ROBO2: variants seen among roughly 807,000 people sequenced by gnomAD.
ROBO2 encodes the protein roundabout homolog 2.
A neutral mutation model predicts 160.8 loss-of-function variants in ROBO2; 53 were observed. The observed-to-expected ratio is 0.33, with a 90% confidence interval of 0.26 to 0.41. The LOEUF is 0.41. ROBO2 is among the 10% of genes least tolerant of loss of function. The pLI is 1.00. For missense variants in ROBO2, 1,577 were observed against 1,722.4 expected, an observed-to-expected ratio of 0.92 and a Z score of 1.49; for synonymous variants, 664 against 611.7, an observed-to-expected ratio of 1.09 and a Z score of -1.26.
chr3:76,055,796 G>C lies in ROBO2; in HGVS notation c.109+118194G>C, dbSNP rs2067823350. On this transcript the variant is annotated intron_variant, in intron 2 of 26. Transcript: ENST00000487694. ...ATTTTTTGAGACGGAGTCTCGCTCT[G>C]TCGGCAGGCTGGAGTGCAGTGGCGC... Among the ~76,000 whole-genome samples, 3 of 152,086 alleles carry C rather than the reference G, an allele frequency of 2.0e-5. No homozygotes were observed. The South Asian group carries it at 6.2e-4, about 32-fold the overall frequency.
chr3:77,565,276 A>T (rs1255182701), intron 12 of ROBO2, among the ~76,000 whole-genome samples, 156 bp downstream of exon 13: 3 of 152,068 alleles, frequency 2.0e-5, no homozygotes, highest in East Asian at 1.9e-4. Flanking sequence ...CTTGCTGTTT[A>T]TCTTGGTGAG....
chr3:76,272,731 AATAT>A (rs371717349), intron 2 of ROBO2, among the ~76,000 whole-genome samples: 2,659 of 47,830 alleles, frequency 0.056, 273 homozygotes, highest in Middle Eastern at 0.14. Context: ...TACACATATA[AATAT>A]ATATATTCTC....
chr3:77,282,682 T>G (rs1165551859), intron 2 of ROBO2, among the ~76,000 whole-genome samples: 1 of 152,122 alleles, frequency 6.6e-6, no homozygotes, highest in East Asian at 1.9e-4. Context: ...TAGCAAAACA[T>G]TATATCTGCA....
At chr3:76,480,679 G>A (rs1014182758) in intron 2 of ROBO2, among the ~76,000 whole-genome samples, 32 of 152,080 alleles carry the variant, frequency 2.1e-4, no homozygotes, top group African/African-American at 7.7e-4. Flanking sequence ...CGGCTCTTGG[G>A]TGTCTCTTTT....
Position 75,993,940 on chromosome 3 carries a change from C to T in ROBO2, c.109+56338C>T, listed in dbSNP as rs181492214. Among the ~76,000 whole-genome samples, 235 of 152,290 alleles carry T rather than the reference C, an allele frequency of 1.5e-3. 2 individuals carry two copies. The highest frequency in any genetic ancestry group is 2.1e-3 in the Non-Finnish European group (144 of 68,022). On this transcript the variant is annotated intron_variant, in intron 2 of 26. Transcript: ENST00000487694. Reference sequence around the variant, plus strand: ...GGAGCGTGTATGCTGTTTTGTTTATCAATACTATTTACTTTATTTACAGGT... The same window carrying T: ...GGAGCGTGTATGCTGTTTTGTTTATTAATACTATTTACTTTATTTACAGGT...
At chr3:76,471,024 T>C (rs931509016) in intron 2 of ROBO2, among the ~76,000 whole-genome samples, 5 of 147,572 alleles carry the variant, frequency 3.4e-5, no homozygotes, top group Non-Finnish European at 5.9e-5. Flanking sequence ...TTGCTAGGTT[T>C]TTCTAACTTT....
chr3:77,065,903 C>G (rs774747331), intron 1 of ROBO2, among the ~76,000 whole-genome samples: 1 of 152,032 alleles, frequency 6.6e-6, no homozygotes, highest in Non-Finnish European at 1.5e-5. Flanking sequence ...TAGTCCATAT[C>G]GCAAAATCAA....
intron 2 of ROBO2, among the ~76,000 whole-genome samples, chr3:76,570,773 C>A (rs2108596828): frequency 6.6e-6 from 1 of 152,214 alleles, no homozygotes; most frequent in Non-Finnish European, 1.5e-5. Flanking sequence ...GAATTTTCTG[C>A]TCTTTTTACT....
intron 2 of ROBO2, among the ~76,000 whole-genome samples, chr3:76,995,088 A>G (rs1360298707): frequency 1.4e-5 from 2 of 138,672 alleles, no homozygotes; most frequent in African/African-American, 5.7e-5. Flanking sequence ...TCCTAATGCT[A>G]TCCCTCCCCA....
intron 2 of ROBO2, among the ~76,000 whole-genome samples, chr3:76,008,933 A>G (rs988571305): frequency 6.6e-6 from 1 of 152,142 alleles, no homozygotes. Context: ...GACAGTCATG[A>G]GGAAGTATGA....
chr3:76,952,133 T>C (rs2078994338), intron 2 of ROBO2, among the ~76,000 whole-genome samples: 1 of 152,212 alleles, frequency 6.6e-6, no homozygotes, highest in South Asian at 2.1e-4. Context: ...ATAGTAGATA[T>C]ATTCTCTGGA....
intron 2 of ROBO2, among the ~76,000 whole-genome samples, chr3:76,496,652 T>C (rs569478940): frequency 6.6e-4 from 100 of 152,252 alleles, no homozygotes; most frequent in Non-Finnish European, 1.2e-3. Flanking sequence ...CTAGAGTCCT[T>C]CCCCAGTTTC....
chr3:76,078,786 T>C (rs138801176), intron 2 of ROBO2, among the ~76,000 whole-genome samples: 1 of 152,326 alleles, frequency 6.6e-6, no homozygotes, highest in East Asian at 1.9e-4. Context: ...TAATATATAA[T>C]AAAATAACTT....
intron 2 of ROBO2, among the ~76,000 whole-genome samples, chr3:77,228,229 T>C (rs900068432): frequency 2.0e-5 from 3 of 152,078 alleles, no homozygotes; most frequent in Non-Finnish European, 4.4e-5. Context: ...TGCAGTGGCA[T>C]GATCACAGCT....
intron 2 of ROBO2, among the ~76,000 whole-genome samples, chr3:77,451,649 CAA>C (rs1240120102): frequency 6.6e-6 from 1 of 152,088 alleles, no homozygotes; most frequent in Non-Finnish European, 1.5e-5. Context: ...CCAAAATGTG[CAA>C]AGTCTAGTTC....
chr3:75,985,292 C>A (rs954803491), intron 2 of ROBO2, among the ~76,000 whole-genome samples: 1 of 151,436 alleles, frequency 6.6e-6, no homozygotes, highest in African/African-American at 2.4e-5. Flanking sequence ...AAATAAAATA[C>A]ACTTAATGTG....
At chr3:76,962,184 A>C (rs1413667639) in intron 2 of ROBO2, among the ~76,000 whole-genome samples, 1 of 152,088 alleles carries the variant, frequency 6.6e-6, no homozygotes, top group Admixed American at 6.6e-5. Context: ...GAAATACAAA[A>C]ATTAGCTGGG....
intron 2 of ROBO2, among the ~76,000 whole-genome samples, chr3:76,402,759 TG>T (rs2077909970): frequency 6.6e-6 from 1 of 151,564 alleles, no homozygotes; most frequent in East Asian, 1.9e-4. Flanking sequence ...AGCCAGCAAC[TG>T]GGGGTCAAAT....
intron 2 of ROBO2, among the ~76,000 whole-genome samples, chr3:77,444,083 T>A (rs2080227764): frequency 6.6e-6 from 1 of 152,216 alleles, no homozygotes; most frequent in Admixed American, 6.5e-5. Context: ...TCATTTTTGA[T>A]CTTAGATCTT....
Sources: allele counts gnomAD v4.1 joint callset (sites outside exome capture counted in the v4.1 genomes callset), GRCh38; gene constraint gnomAD v4.1.1; transcripts MANE v1.5; gene names NCBI Gene and HGNC (gene_info 2026-07-23, HGNC 2026-07-21).